ANKS1A: variants seen among roughly 807,000 people sequenced by gnomAD.
ANKS1A encodes the protein ankyrin repeat and sterile alpha motif domain containing 1A.
Under a neutral mutation model 120.3 loss-of-function variants are expected in ANKS1A, and 55 were observed. That is an observed-to-expected ratio of 0.46 (90% confidence interval 0.37 to 0.57). The LOEUF (loss-of-function observed/expected upper bound fraction) is 0.57, where lower values mean the gene tolerates loss of function less well. Among genes scored for constraint, ANKS1A ranks in the 20% least tolerant of loss-of-function variants. The pLI, the probability that ANKS1A is intolerant of heterozygous loss-of-function variation, is 0.00. For synonymous variants in ANKS1A, 590 were observed against 604.7 expected (o/e 0.98, Z 0.36); for missense variants, 1,123 against 1,480.3 (o/e 0.76, Z 3.96).
rs143039895 is a variant in ANKS1A, at chr6:35,088,771, G to A, written c.*162G>A. 490 of 1,553,706 alleles carry A rather than the reference G, an allele frequency of 3.2e-4. 2 individuals are homozygous for A. In the East Asian group the frequency reaches 8.4e-3, roughly 26 times the overall value. ...CTTGGCCTGGGCCTGCCACCACCACGTCCTGCAGAACGAGCCCTGCCTTGG... is the reference window on the plus strand; with the variant it reads ...CTTGGCCTGGGCCTGCCACCACCACATCCTGCAGAACGAGCCCTGCCTTGG... On this transcript the variant is annotated 3_prime_UTR_variant, in exon 24 of 24. Coordinates refer to ENST00000360359, the MANE Select transcript of ANKS1A (RefSeq NM_015245.3).
chr6:34,966,577 A>G (rs941160042), intron 1 of ANKS1A, among the ~76,000 whole-genome samples: 2 of 152,232 alleles, frequency 1.3e-5, no homozygotes, highest in African/African-American at 2.4e-5. Flanking sequence ...GGATTATTTG[A>G]TATTATTTTA....
At chr6:35,006,238 T>TAATC (rs1238569252) in intron 10 of ANKS1A, among the ~76,000 whole-genome samples, 1 of 149,028 alleles carries the variant, frequency 6.7e-6, no homozygotes, top group Non-Finnish European at 1.5e-5. Context: ...CACACACCTG[T>TAATC]AATCCCAGCT....
intron 1 of ANKS1A, among the ~76,000 whole-genome samples, chr6:34,932,015 G>T (rs1257276353): frequency 1.3e-5 from 2 of 152,354 alleles, no homozygotes; most frequent in East Asian, 3.9e-4. Flanking sequence ...AGGTGCTGAG[G>T]CCAGTGGCCA....
intron 13 of ANKS1A, among the ~76,000 whole-genome samples, chr6:35,069,828 A>C (rs1776987066): frequency 6.6e-6 from 1 of 151,944 alleles, no homozygotes; most frequent in South Asian, 2.1e-4. Context: ...GGAGTTCAAG[A>C]CCAGCCTGAC....
intron 10 of ANKS1A, among the ~76,000 whole-genome samples, chr6:35,014,208 T>C (rs1365650700): frequency 6.6e-6 from 1 of 152,208 alleles, no homozygotes; most frequent in East Asian, 1.9e-4. Flanking sequence ...TGGCCTTGGA[T>C]GTAGTTTTTA....
chr6:34,897,140 TC>T, intron 1 of ANKS1A, among the ~76,000 whole-genome samples: 1 of 152,100 alleles, frequency 6.6e-6, no homozygotes. Context: ...GTCAGTGGTC[TC>T]CCTTTTTCCT....
intron 20 of ANKS1A, among the ~76,000 whole-genome samples, chr6:35,083,855 C>A (rs898288116): frequency 1.3e-5 from 2 of 152,204 alleles, no homozygotes; most frequent in East Asian, 3.9e-4. Flanking sequence ...ACTTTGCCCC[C>A]ACCCTGGAAG....
At chr6:35,036,903 C>T (rs1216523673) in intron 11 of ANKS1A, among the ~76,000 whole-genome samples, 1 of 152,226 alleles carries the variant, frequency 6.6e-6, no homozygotes, top group Admixed American at 6.5e-5. Context: ...TGGGGCTGGG[C>T]CCCGGTAATG....
At chr6:34,950,612 G>A (rs1240344371) in intron 1 of ANKS1A, among the ~76,000 whole-genome samples, 1 of 152,172 alleles carries the variant, frequency 6.6e-6, no homozygotes, top group African/African-American at 2.4e-5. Context: ...AGTGGGGATT[G>A]ATAGCCAAGG....
At chr6:34,910,562 T>C (rs932493062) in intron 1 of ANKS1A, among the ~76,000 whole-genome samples, 1 of 151,964 alleles carries the variant, frequency 6.6e-6, no homozygotes, top group African/African-American at 2.4e-5. Flanking sequence ...AGACTCTGCC[T>C]CATAAAAGAA....
intron 1 of ANKS1A, among the ~76,000 whole-genome samples, chr6:34,917,579 A>C (rs1287735719): frequency 6.6e-6 from 1 of 152,208 alleles, no homozygotes; most frequent in Non-Finnish European, 1.5e-5. Context: ...AACTAACCTG[A>C]AATCTGATGA....
At chr6:34,985,334 A>C in intron 8 of ANKS1A, 56 bp downstream of exon 8, 1 of 1,546,292 alleles carries the variant, frequency 6.5e-7, no homozygotes, top group Non-Finnish European at 8.8e-7. Context: ...CTGGCCCCTG[A>C]GGTGATGGGG....
intron 1 of ANKS1A, among the ~76,000 whole-genome samples, chr6:34,896,052 C>T (rs74748780): frequency 0.073 from 11,018 of 149,970 alleles, 611 homozygotes; most frequent in East Asian, 0.23. Context: ...CGTTAGCCAC[C>T]GTGCCTGGCC....
intron 1 of ANKS1A, among the ~76,000 whole-genome samples, chr6:34,931,768 A>G (rs1474540977): frequency 6.6e-6 from 1 of 152,188 alleles, no homozygotes; most frequent in Non-Finnish European, 1.5e-5. Context: ...AGTCTGGGAA[A>G]ATTCATGCTC....
At position 35,089,774 on chromosome 6, in the gene ANKS1A, G is replaced by C. The variant is rs543470844; in HGVS notation, c.*1165G>C. ...TAACTTGGGTTGCATTCTTCCCTCT[G>C]GACTAGAGTAGAAATGCAGGGGAAA... On this transcript the variant is annotated 3_prime_UTR_variant, in exon 24 of 24. Transcript: ENST00000360359. 1.1e-5 allele frequency: 11 copies of C among 1,017,884 alleles called. No homozygotes were observed. In the African/African-American group the frequency reaches 1.9e-4, roughly 18 times the overall value. 63.1% of individuals were successfully genotyped at this position (1,017,884 alleles called of 1,614,324 possible).
chr6:35,056,777 T>A (rs1776246052), intron 12 of ANKS1A, among the ~76,000 whole-genome samples: 1 of 152,104 alleles, frequency 6.6e-6, no homozygotes, highest in Non-Finnish European at 1.5e-5. Context: ...AGCGGGTTCA[T>A]CCACCCGGGC....
chr6:34,896,714 C>G (rs536426379), intron 1 of ANKS1A, among the ~76,000 whole-genome samples: 1 of 152,194 alleles, frequency 6.6e-6, no homozygotes, highest in Non-Finnish European at 1.5e-5. Flanking sequence ...CCTGTAATCC[C>G]GGCACTTTGG....
intron 1 of ANKS1A, among the ~76,000 whole-genome samples, chr6:34,940,937 C>T (rs1165979410): frequency 1.3e-5 from 2 of 151,844 alleles, no homozygotes; most frequent in African/African-American, 4.8e-5. Context: ...AATAATATAT[C>T]CTCATGATAA....
rs114097440 is a variant in ANKS1A, at chr6:34,899,825, A to G, written c.197+10226A>G. On this transcript the variant is annotated intron_variant, in intron 1 of 23. Transcript: ENST00000360359. ...TGATCCAGCCTGGTGGAGTCTGTGC[A>G]TTGGCTTTTGTCCTCAATGGGGCCA... is the stretch of plus-strand genomic sequence containing the variant. Among the ~76,000 whole-genome samples, 1,116 of 152,300 alleles carry G rather than the reference A, an allele frequency of 7.3e-3. 21 individuals are homozygous for G. Among genetic ancestry groups the G allele is most frequent in the African/African-American group, 0.026 (1,060 of 41,552 alleles).
Sources: gnomAD v4.1 joint callset for allele counts (sites outside exome capture counted in the v4.1 genomes callset) on GRCh38, gnomAD v4.1.1 for gene constraint, MANE v1.5 for transcripts, NCBI Gene and HGNC (gene_info 2026-07-23, HGNC 2026-07-21) for gene names.